Variants in DNAH14 observed in about 807,000 individuals in gnomAD.
The protein encoded by DNAH14 is dynein axonemal heavy chain 14, also known as axonemal beta dynein heavy chain 14.
DNAH14 carries 478 observed loss-of-function variants against 520.9 expected under a neutral mutation model. That is an observed-to-expected ratio of 0.92 (90% CI 0.85 to 0.99). DNAH14 has a LOEUF of 0.99. DNAH14 is among the 50% of genes least tolerant of loss of function. The probability of loss-of-function intolerance (pLI) is 0.00; values close to 1 mark genes in which losing one functional copy is unlikely to be tolerated. For synonymous variants in DNAH14, 1,581 were observed against 1,757.2 expected (o/e 0.90, Z 2.51); for missense variants, 4,831 against 5,234.5 (o/e 0.92, Z 2.38).
chr1:225,276,887 C>G (rs2093480658), intron 53 of DNAH14, among the ~76,000 whole-genome samples: 1 of 147,096 alleles, frequency 6.8e-6, no homozygotes, highest in African/African-American at 2.5e-5. Context: ...TGAAACTGCA[C>G]TCCAGCCTGG....
chr1:224,952,670 C>G lies in DNAH14; in HGVS notation c.-33C>G. 6.8e-7 allele frequency: 1 copy of G among 1,479,444 alleles called. No homozygotes were observed. The highest frequency in any genetic ancestry group is 9.1e-7 in the Non-Finnish European group (1 of 1,099,998). 91.6% of individuals were successfully genotyped at this position (1,479,444 alleles called of 1,614,324 possible). On this transcript the variant is annotated splice_region_variant and 5_prime_UTR_variant, in exon 2 of 86. Coordinates refer to ENST00000682510, the MANE Select transcript of DNAH14 (RefSeq NM_001367479.1). ...TATAATAATGTGAATTTTGTTACAG[C>G]CAGTTCCTTTATAGTTTTGTTCAGA...
At chr1:225,106,949 C>T (rs368711329) in intron 23 of DNAH14, among the ~76,000 whole-genome samples, 13 of 152,118 alleles carry the variant, frequency 8.5e-5, no homozygotes, top group Admixed American at 2.6e-4. Flanking sequence ...GGAGGAGAGG[C>T]GCTCTGATTT....
At chr1:225,090,791 A>G (rs903496225) in intron 21 of DNAH14, among the ~76,000 whole-genome samples, 4 of 152,164 alleles carry the variant, frequency 2.6e-5, no homozygotes, top group African/African-American at 9.6e-5. Context: ...AAAACATAAG[A>G]GATATTTTTG....
intron 16 of DNAH14, among the ~76,000 whole-genome samples, chr1:225,050,747 C>A (rs923949980): frequency 2.0e-5 from 3 of 152,178 alleles, no homozygotes; most frequent in Non-Finnish European, 4.4e-5. Context: ...ATAGTTACGT[C>A]TTTGGTGAAT....
Position 225,333,425 on chromosome 1 carries a change from A to G in DNAH14, c.9999A>G (p.Lys3333=). ...TPEFRQLIVN[K]WETFCIENGI... ...AATTTCGCCAGTTGATTGTGAATAA[A>G]TGGGAGACATTCTGCATTGAAAATG... is the stretch of plus-strand genomic sequence containing the variant. Residue 3333 remains lysine (K), a synonymous_variant, in exon 66 of 86, where the codon AAA becomes AAG. Transcript: ENST00000682510. 1 of 1,551,484 alleles carries G rather than the reference A, an allele frequency of 6.4e-7. No homozygotes were observed. Among genetic ancestry groups the G allele is most frequent in the Non-Finnish European group, 8.7e-7 (1 of 1,146,864 alleles).
Position 225,080,598 on chromosome 1 carries a change from T to C in DNAH14, c.2986T>C (p.Leu996=), listed in dbSNP as rs1161578277. The change falls in exon 19 of 86, where the codon TTG becomes CTG. Residue 996 remains leucine (L), a synonymous_variant. Transcript: ENST00000682510. Reference sequence around the variant, plus strand: ...AGAGATCTCTGACATTGAAGGTGACTTGACTTTGAGGAAAAAACTATGGGA... The same window carrying C: ...AGAGATCTCTGACATTGAAGGTGACCTGACTTTGAGGAAAAAACTATGGGA... ...LSEISDIEGD[L]TLRKKLWEAQ... 1.9e-6 allele frequency: 3 copies of C among 1,552,186 alleles called. No homozygotes were observed. Among genetic ancestry groups the C allele is most frequent in the Non-Finnish European group, 8.7e-7 (1 of 1,147,094 alleles).
intron 1 of DNAH14, among the ~76,000 whole-genome samples, chr1:224,934,671 C>T (rs1022943977): frequency 6.6e-6 from 1 of 151,564 alleles, no homozygotes; most frequent in Non-Finnish European, 1.5e-5. Context: ...GACATTCAGA[C>T]ACTAGAGGCT....
intron 8 of DNAH14, among the ~76,000 whole-genome samples, chr1:224,992,679 C>G (rs2063138840): frequency 6.6e-6 from 1 of 151,902 alleles, no homozygotes. Context: ...TTTTTTCTTT[C>G]TTATTAGGAT....
At position 225,237,478 on chromosome 1, in the gene DNAH14, A is replaced by G. The variant is rs12091149; in HGVS notation, c.6519-3115A>G. On this transcript the variant is annotated intron_variant, in intron 42 of 85. Coordinates refer to ENST00000682510, the MANE Select transcript of DNAH14 (RefSeq NM_001367479.1). ...TTATAGGGCTTTCTCTGAGAAGTCT[A>G]CTGTTAGTCTGATGTGCTTCACTTT... Among the ~76,000 whole-genome samples, 3 of 152,158 alleles carry G rather than the reference A, an allele frequency of 2.0e-5. No homozygotes were observed. The East Asian group carries it at 5.8e-4, about 29-fold the overall frequency.
Position 225,346,504 on chromosome 1 carries a change from C to T in DNAH14, c.11146C>T (p.Arg3716Trp), listed in dbSNP as rs748392906. The change falls in exon 71 of 86, where the codon CGG becomes TGG. Residue 3716 changes from arginine to tryptophan, a missense_variant. Arg to Trp is a moderately radical substitution (Grantham distance 101). Coordinates refer to ENST00000682510, the MANE Select transcript of DNAH14 (RefSeq NM_001367479.1). ...FNEDKLCFSFRLCTVIMQNNA... is the reference protein window; with the variant it reads ...FNEDKLCFSFWLCTVIMQNNA... Reference sequence around the variant, plus strand: ...TGAAGATAAACTTTGCTTCTCTTTTCGGCTTTGCACTGTAATCATGCAAAA... The same window carrying T: ...TGAAGATAAACTTTGCTTCTCTTTTTGGCTTTGCACTGTAATCATGCAAAA... 3.2e-5 allele frequency: 50 copies of T among 1,550,640 alleles called. No individual in the cohort carries two copies. Among genetic ancestry groups the T allele is most frequent in the Admixed American group, 5.9e-5 (3 of 50,780 alleles).
At chr1:225,127,537 CT>C (rs536076172) in intron 27 of DNAH14, among the ~76,000 whole-genome samples, 1 of 151,710 alleles carries the variant, frequency 6.6e-6, no homozygotes, top group Admixed American at 6.6e-5. Flanking sequence ...CAACCCCTGC[CT>C]TTTTTTCTTT....
intron 12 of DNAH14, among the ~76,000 whole-genome samples, chr1:225,039,306 G>C (rs1463263174): frequency 6.6e-6 from 1 of 152,088 alleles, no homozygotes; most frequent in Non-Finnish European, 1.5e-5. Flanking sequence ...CTCTGTCTTT[G>C]CTTTTGTTCA....
chr1:225,394,892 A>C (rs2095984840), intron 84 of DNAH14, among the ~76,000 whole-genome samples: 1 of 151,536 alleles, frequency 6.6e-6, no homozygotes, highest in Non-Finnish European at 1.5e-5. Context: ...ATGAGGTGAG[A>C]TCAAAGTTCT....
At chr1:225,316,798 G>A (rs1370714025) in intron 60 of DNAH14, among the ~76,000 whole-genome samples, 1 of 152,090 alleles carries the variant, frequency 6.6e-6, no homozygotes, top group Non-Finnish European at 1.5e-5. Context: ...TTCCTATTTG[G>A]CCATCTTGGC....
At chr1:225,164,105 T>G (rs2081808260) in intron 35 of DNAH14, among the ~76,000 whole-genome samples, 1 of 152,174 alleles carries the variant, frequency 6.6e-6, no homozygotes, top group African/African-American at 2.4e-5. Context: ...TTTATCCATC[T>G]GTTTCTGCAG....
At position 225,335,699 on chromosome 1, in the gene DNAH14, G is replaced by A. The variant is rs866657023; in HGVS notation, c.10081-1567G>A. 3.3e-4 allele frequency among the ~76,000 whole-genome samples: 27 copies of A among 82,350 alleles called. 5 individuals carry two copies. The highest frequency in any genetic ancestry group is 1.5e-3 in the African/African-American group (22 of 14,842). The allele number at this position is 82,350 out of a possible 152,430, so 54.0% of individuals were successfully genotyped here. On this transcript the variant is annotated intron_variant, in intron 66 of 85. Transcript: ENST00000682510. ...TATGTATATACGCATATATACATATGTGCATATATGTATATACGCATATAT... is the reference window on the plus strand; with the variant it reads ...TATGTATATACGCATATATACATATATGCATATATGTATATACGCATATAT...
At chr1:225,191,896 C>A in intron 37 of DNAH14, among the ~76,000 whole-genome samples, 1 of 151,834 alleles carries the variant, frequency 6.6e-6, no homozygotes, top group South Asian at 2.1e-4. Flanking sequence ...CTATTTTGTT[C>A]CCTTTTATAA....
intron 43 of DNAH14, 57 bp from the exon 44 acceptor site, chr1:225,252,244 T>C (rs2092581876): frequency 3.2e-6 from 3 of 924,632 alleles, no homozygotes; most frequent in Admixed American, 2.0e-5. Flanking sequence ...ACATGGTTAG[T>C]GAAACATTCC....
intron 9 of DNAH14, among the ~76,000 whole-genome samples, chr1:225,005,174 A>C (rs2064069622): frequency 6.6e-6 from 1 of 152,116 alleles, no homozygotes; most frequent in South Asian, 2.1e-4. Flanking sequence ...TAGAGTTGAG[A>C]CTTTGGATCA....
Sources: allele counts gnomAD v4.1 joint callset (sites outside exome capture counted in the v4.1 genomes callset), GRCh38; gene constraint gnomAD v4.1.1; transcripts MANE v1.5; gene names NCBI Gene and HGNC (gene_info 2026-07-23, HGNC 2026-07-21).